Variants in CNTN4 observed in about 807,000 individuals in gnomAD.
The protein encoded by CNTN4 is contactin 4.
In CNTN4, 77 loss-of-function variants were observed where a neutral mutation model predicts 122.5. The observed-to-expected ratio is 0.63, with a 90% confidence interval of 0.52 to 0.76. The LOEUF (loss-of-function observed/expected upper bound fraction) is 0.76. Ranked by LOEUF, CNTN4 falls within the 30% of genes least tolerant of loss-of-function variation. CNTN4 has a pLI of 0.00. For synonymous variants in CNTN4, 512 were observed against 447.0 expected, an observed-to-expected ratio of 1.15 and a Z score of -1.83; for missense variants, 1,256 against 1,259.1, an observed-to-expected ratio of 1.00 and a Z score of 0.04.
chr3:2,268,119 T>G (rs779206061), intron 2 of CNTN4, among the ~76,000 whole-genome samples: 2 of 152,112 alleles, frequency 1.3e-5, no homozygotes, highest in Non-Finnish European at 2.9e-5. Context: ...CTCAATATAC[T>G]TTGCTAGGCA....
At chr3:2,821,853 G>A (rs551089088) in intron 7 of CNTN4, among the ~76,000 whole-genome samples, 1 of 152,252 alleles carries the variant, frequency 6.6e-6, no homozygotes, top group South Asian at 2.1e-4. Context: ...TTTTCAGTTT[G>A]ACTTTCCACA....
intron 3 of CNTN4, among the ~76,000 whole-genome samples, chr3:2,453,028 C>T (rs1455591783): frequency 1.3e-5 from 2 of 151,958 alleles, no homozygotes; most frequent in Non-Finnish European, 2.9e-5. Context: ...TCGTAATGTT[C>T]ATCTGAGTGA....
intron 23 of CNTN4, among the ~76,000 whole-genome samples, chr3:3,047,499 C>A (rs769016642): frequency 0.073 from 10,791 of 147,062 alleles, 479 homozygotes; most frequent in Admixed American, 0.089. Context: ...AACTACATGG[C>A]AACTGAACAA....
At chr3:2,636,940 G>GTTTTTTTTTTTTTTTTTTT in intron 4 of CNTN4, among the ~76,000 whole-genome samples, 1 of 95,112 alleles carries the variant, frequency 1.1e-5, no homozygotes, top group Non-Finnish European at 2.0e-5. Flanking sequence ...TTTTTTTTTG[G>GTTTTTTTTTTTTTTTTTTT]TTTTTTTTTT....
intron 6 of CNTN4, among the ~76,000 whole-genome samples, chr3:2,778,842 T>C (rs1316359537): frequency 1.5e-4 from 23 of 152,208 alleles, no homozygotes; most frequent in Non-Finnish European, 4.4e-5. Context: ...CTTATGATAA[T>C]ATCAAAAGCA....
At chr3:2,133,052 A>G (rs950919140) in intron 2 of CNTN4, among the ~76,000 whole-genome samples, 1 of 152,168 alleles carries the variant, frequency 6.6e-6, no homozygotes, top group Non-Finnish European at 1.5e-5. Context: ...GAGGGACAAA[A>G]ATGAAGGACT....
chr3:2,381,286 G>T (rs532128591), intron 3 of CNTN4, among the ~76,000 whole-genome samples: 1 of 152,204 alleles, frequency 6.6e-6, no homozygotes, highest in African/African-American at 2.4e-5. Flanking sequence ...GATTACAGGC[G>T]TGAGCCACTG....
intron 4 of CNTN4, among the ~76,000 whole-genome samples, chr3:2,575,067 G>A (rs734246): frequency 6.6e-6 from 1 of 151,848 alleles, no homozygotes; most frequent in South Asian, 2.1e-4. Context: ...AAGAGAAGAA[G>A]TCTAATATTT....
At chr3:2,764,246 C>G (rs1017652509) in intron 6 of CNTN4, among the ~76,000 whole-genome samples, 1 of 152,016 alleles carries the variant, frequency 6.6e-6, no homozygotes, top group Non-Finnish European at 1.5e-5. Flanking sequence ...CCAATTGAGA[C>G]AAATGCTAAG....
chr3:2,707,350 G>A (rs529163554), intron 4 of CNTN4, among the ~76,000 whole-genome samples: 1 of 150,782 alleles, frequency 6.6e-6, no homozygotes, highest in South Asian at 2.1e-4. Flanking sequence ...CCTACAATTT[G>A]GTAAATATCC....
At chr3:2,180,756 T>C (rs1407887305) in intron 2 of CNTN4, among the ~76,000 whole-genome samples, 3 of 152,036 alleles carry the variant, frequency 2.0e-5, no homozygotes, top group Admixed American at 6.6e-5. Flanking sequence ...AAGCCTACCT[T>C]TGGGGATAAC....
At chr3:2,363,536 G>A (rs1428124619) in intron 3 of CNTN4, among the ~76,000 whole-genome samples, 4 of 152,158 alleles carry the variant, frequency 2.6e-5, no homozygotes, top group African/African-American at 4.8e-5. Context: ...ACAACCATGT[G>A]AGGTAGACAT....
At chr3:2,493,969 C>A (rs907277743) in intron 3 of CNTN4, among the ~76,000 whole-genome samples, 3 of 151,818 alleles carry the variant, frequency 2.0e-5, no homozygotes, top group African/African-American at 7.3e-5. Flanking sequence ...ATAGAAGAAG[C>A]CTAAATCTTT....
At chr3:2,477,942 C>G (rs1355393835) in intron 3 of CNTN4, among the ~76,000 whole-genome samples, 3 of 152,168 alleles carry the variant, frequency 2.0e-5, no homozygotes, top group Non-Finnish European at 4.4e-5. Context: ...TTTGCTGAAA[C>G]ATATAATCTA....
intron 7 of CNTN4, among the ~76,000 whole-genome samples, chr3:2,838,844 A>C (rs2093289503): frequency 6.6e-6 from 1 of 152,214 alleles, no homozygotes; most frequent in African/African-American, 2.4e-5. Context: ...TCCCGCCGTA[A>C]GCTGTGAGTT....
At chr3:2,990,810 G>T (rs17596228) in intron 14 of CNTN4, among the ~76,000 whole-genome samples, 4,453 of 152,210 alleles carry the variant, frequency 0.029, 79 homozygotes, top group Non-Finnish European at 0.042. Context: ...TTGCCTTCTA[G>T]TAAAATGTGA....
rs2038610778 is a variant in CNTN4 at position 2,211,431 on chromosome 3, CT to C, written c.-145+110796del. ...CCTTTTTCTGTAGGTTCAGAGCAAACTTTTCCTACCGTATGCGTTGTGTAGT... is the reference window on the plus strand; with the variant it reads ...CCTTTTTCTGTAGGTTCAGAGCAAACTTTCCTACCGTATGCGTTGTGTAGT... On this transcript the variant is annotated intron_variant, in intron 2 of 24. Transcript: ENST00000418658. Among the ~76,000 whole-genome samples, 4 of 152,268 alleles carry C rather than the reference CT, an allele frequency of 2.6e-5. No homozygotes were observed. The South Asian group carries it at 6.2e-4, about 24-fold the overall frequency.
intron 6 of CNTN4, among the ~76,000 whole-genome samples, chr3:2,797,552 C>T (rs753468706): frequency 2.0e-5 from 3 of 152,100 alleles, no homozygotes; most frequent in Admixed American, 6.6e-5. Flanking sequence ...GAGCCGAGAT[C>T]GCGCCACTGC....
chr3:2,566,330 G>C (rs2079157727), intron 3 of CNTN4, among the ~76,000 whole-genome samples: 1 of 152,148 alleles, frequency 6.6e-6, no homozygotes, highest in African/African-American at 2.4e-5. Flanking sequence ...CCTTGGACGA[G>C]TTTCATAGCC....
Sources: gnomAD v4.1 joint callset for allele counts (sites outside exome capture counted in the v4.1 genomes callset) on GRCh38, gnomAD v4.1.1 for gene constraint, MANE v1.5 for transcripts, NCBI Gene and HGNC (gene_info 2026-07-23, HGNC 2026-07-21) for gene names.